Variants in ROBO2 observed in about 807,000 individuals in gnomAD.
ROBO2 encodes roundabout guidance receptor 2.
Under a neutral mutation model 160.8 loss-of-function variants are expected in ROBO2, and 53 were observed. The ratio of observed to expected loss-of-function variants is 0.33; its 90% CI spans 0.26 to 0.41. The LOEUF is 0.41. Among genes scored for constraint, ROBO2 ranks in the 10% least tolerant of loss-of-function variants. The probability of loss-of-function intolerance (pLI) is 1.00; values close to 1 mark genes in which losing one functional copy is unlikely to be tolerated. For synonymous variants in ROBO2, 664 were observed against 611.7 expected (o/e 1.09, Z -1.26); for missense variants, 1,577 against 1,722.4 (o/e 0.92, Z 1.49).
chr3:77,320,046 A>T (rs1481000980), intron 2 of ROBO2, among the ~76,000 whole-genome samples: 1 of 152,208 alleles, frequency 6.6e-6, no homozygotes, highest in East Asian at 1.9e-4. Context: ...ACCTGTTCAA[A>T]TCATGGTAGT....
chr3:76,454,428 G>T (rs1274757197), intron 2 of ROBO2, among the ~76,000 whole-genome samples: 1 of 152,102 alleles, frequency 6.6e-6, no homozygotes, highest in Non-Finnish European at 1.5e-5. Context: ...AAACATGTAG[G>T]AAATCCAGGC....
chr3:76,552,148 T>C (rs762984961), intron 2 of ROBO2, among the ~76,000 whole-genome samples: 4 of 152,220 alleles, frequency 2.6e-5, no homozygotes, highest in East Asian at 1.9e-4. Context: ...AGCATTTACA[T>C]TGTATTAGAT....
intron 2 of ROBO2, among the ~76,000 whole-genome samples, chr3:77,373,850 C>T (rs559196942): frequency 1.4e-5 from 2 of 145,316 alleles, no homozygotes; most frequent in South Asian, 4.5e-4. Context: ...ATAGAGCAGC[C>T]TCAACACCAA....
At chr3:76,629,034 A>G (rs954681922) in intron 2 of ROBO2, among the ~76,000 whole-genome samples, 17 of 152,160 alleles carry the variant, frequency 1.1e-4, no homozygotes, top group African/African-American at 4.1e-4. Context: ...AATCTTGGCA[A>G]TTGCACTGAC....
chr3:76,065,520 ATTC>A (rs1333707337), intron 2 of ROBO2, among the ~76,000 whole-genome samples: 2 of 151,884 alleles, frequency 1.3e-5, no homozygotes, highest in African/African-American at 2.4e-5. Flanking sequence ...TCTTTGGCAA[ATTC>A]TGTCTGTAAA....
intron 2 of ROBO2, among the ~76,000 whole-genome samples, chr3:77,001,497 C>G (rs1336955828): frequency 6.6e-6 from 1 of 152,046 alleles, no homozygotes; most frequent in East Asian, 1.9e-4. Context: ...GATCTTTTCA[C>G]ATATGGTCAG....
At chr3:76,332,163 A>G (rs2073540173) in intron 2 of ROBO2, among the ~76,000 whole-genome samples, 1 of 152,174 alleles carries the variant, frequency 6.6e-6, no homozygotes, top group Admixed American at 6.5e-5. Context: ...TTGTGTTTCC[A>G]TGATTGGAGA....
intron 2 of ROBO2, among the ~76,000 whole-genome samples, chr3:76,212,920 T>TGAAAA (rs1235897948): frequency 0.036 from 16 of 442 alleles, no homozygotes; most frequent in African/African-American, 0.039. Flanking sequence ...TTAGTTTCAC[T>TGAAAA]TTTGGTATTT....
chr3:76,314,376 A>G (rs902166703), intron 2 of ROBO2, among the ~76,000 whole-genome samples: 1 of 152,180 alleles, frequency 6.6e-6, no homozygotes, highest in Non-Finnish European at 1.5e-5. Flanking sequence ...GCATAACTCT[A>G]CAGAAAAGTT....
chr3:77,324,397 A>G (rs1283946919), intron 2 of ROBO2, among the ~76,000 whole-genome samples: 5 of 152,184 alleles, frequency 3.3e-5, no homozygotes, highest in African/African-American at 1.2e-4. Flanking sequence ...TGACCTGCCA[A>G]CATATTCCAT....
intron 2 of ROBO2, among the ~76,000 whole-genome samples, chr3:76,790,130 G>T (rs1162385451): frequency 6.6e-6 from 1 of 151,612 alleles, no homozygotes; most frequent in Non-Finnish European, 1.5e-5. Context: ...TCATACTGCT[G>T]AATCAATCAA....
rs1181627521 is a variant in ROBO2 at position 77,527,414 on chromosome 3, G to T, written c.934+4512G>T. The T allele has an allele frequency of 3.1e-6, 4 of 1,287,584 alleles. 1 individual carries two copies. In the South Asian group the frequency reaches 3.7e-5, roughly 12 times the overall value. The allele number at this position is 1,287,584 out of a possible 1,614,324, so 79.8% of individuals were successfully genotyped here. ...TGTAATGTCTACAGCTCGCCCTGTTGGTAAGTAGCCATCCTTCTATCCACT... is the reference window on the plus strand; with the variant it reads ...TGTAATGTCTACAGCTCGCCCTGTTTGTAAGTAGCCATCCTTCTATCCACT... On this transcript the variant is annotated intron_variant, in intron 6 of 25. Coordinates refer to ENST00000461745, the Ensembl canonical transcript of ROBO2.
chr3:76,885,397 T>C (rs1303793910), intron 2 of ROBO2, among the ~76,000 whole-genome samples: 3 of 152,192 alleles, frequency 2.0e-5, no homozygotes, highest in African/African-American at 7.2e-5. Context: ...AACACATATT[T>C]ATTAAACAAA....
At chr3:77,421,315 C>T (rs1264553832) in intron 2 of ROBO2, among the ~76,000 whole-genome samples, 1 of 152,028 alleles carries the variant, frequency 6.6e-6, no homozygotes, top group African/African-American at 2.4e-5. Context: ...ATTTACATCA[C>T]GACAAATATC....
At chr3:77,179,161 G>T (rs111421162) in intron 2 of ROBO2, among the ~76,000 whole-genome samples, 2,765 of 151,500 alleles carry the variant, frequency 0.018, 96 homozygotes, top group African/African-American at 0.063. Context: ...AAAAATTCAA[G>T]AGCTTTAATA....
At chr3:77,130,613 GTTTAATGGTGAAAATA>G in intron 2 of ROBO2, among the ~76,000 whole-genome samples, 1 of 152,224 alleles carries the variant, frequency 6.6e-6, no homozygotes, top group Non-Finnish European at 1.5e-5. Flanking sequence ...TACGTGTCTT[GTTTAATGGTGAAAATA>G]TTTAAGATCT....
chr3:76,666,032 T>TTA, intron 2 of ROBO2, among the ~76,000 whole-genome samples: 1 of 123,004 alleles, frequency 8.1e-6, no homozygotes, highest in Admixed American at 8.2e-5. Context: ...ATTATATATA[T>TTA]TATATATATA....
chr3:77,032,018 CA>C (rs1362182629), intron 2 of ROBO2, among the ~76,000 whole-genome samples: 1 of 152,086 alleles, frequency 6.6e-6, no homozygotes, highest in Non-Finnish European at 1.5e-5. Flanking sequence ...ACTATTTCTC[CA>C]AGGTTTCTTT....
At chr3:77,198,219 G>A (rs13092729) in intron 2 of ROBO2, among the ~76,000 whole-genome samples, 29,789 of 152,046 alleles carry the variant, frequency 0.2, 3,364 homozygotes, top group Middle Eastern at 0.31. Flanking sequence ...TATAAATAAT[G>A]TCTATTCATC....
Sources: gnomAD v4.1 joint callset for allele counts (sites outside exome capture counted in the v4.1 genomes callset) on GRCh38, gnomAD v4.1.1 for gene constraint, MANE v1.5 for transcripts, NCBI Gene and HGNC (gene_info 2026-07-23, HGNC 2026-07-21) for gene names.